PEDS1: variants seen among roughly 807,000 people sequenced by gnomAD.
PEDS1 encodes the protein plasmanylethanolamine desaturase 1.
A neutral mutation model predicts 35.2 loss-of-function variants in PEDS1; 14 were observed. The observed-to-expected ratio is 0.40, with a 90% CI of 0.26 to 0.62. PEDS1 has a LOEUF of 0.62. Among genes scored for constraint, PEDS1 ranks in the 20% least tolerant of loss-of-function variants. The pLI is 0.44. For synonymous variants in PEDS1, 152 were observed against 152.0 expected, an observed-to-expected ratio of 1.00 and a Z score of 0.00; for missense variants, 260 against 367.8, an observed-to-expected ratio of 0.71 and a Z score of 2.40.
intron 2 of PEDS1, among the ~76,000 whole-genome samples, chr20:50,132,293 T>G (rs1173713811): frequency 6.6e-6 from 1 of 152,246 alleles, no homozygotes; most frequent in African/African-American, 2.4e-5. Context: ...TAGATCTTGA[T>G]GAATTCTCAC....
rs373933748 is a variant in PEDS1 at position 50,130,865 on chromosome 20, A to C, written c.324T>G (p.Ile108Met). The change falls in exon 3 of 6, where the codon ATT becomes ATG. Residue 108 changes from isoleucine to methionine, a missense_variant. Physicochemically the swap from Ile to Met is conservative, Grantham distance 10. Around this residue, in one of 4 missense-constraint regions of PEDS1, gnomAD observed 34 missense variants for 81.9 expected, o/e 0.41. Coordinates refer to ENST00000371652, the MANE Select transcript of PEDS1 (RefSeq NM_199129.4). Reference protein sequence around the residue: ...ADTWGSVELPIVGKAFIRPFR... With the variant: ...ADTWGSVELPMVGKAFIRPFR... ...AGGTCAACATACTCACCTTCCCCAC[A>C]ATGGGCAGCTCCACAGAGCCCCATG... 54 of 1,613,968 alleles carry C rather than the reference A, an allele frequency of 3.3e-5. 1 individual carries two copies. Among genetic ancestry groups the C allele is most frequent in the Non-Finnish European group, 4.2e-6 (5 of 1,180,006 alleles).
In PEDS1 at chr20:50,136,722, C is replaced by CAAA. The variant is rs34195813; in HGVS notation, c.242-5778_242-5776dup. On this transcript the variant is annotated intron_variant, in intron 2 of 5. Coordinates refer to ENST00000371652, the MANE Select transcript of PEDS1 (RefSeq NM_199129.4). ...TGGGTGACAGAGTGAGACTCTGCCT[C>CAAA]AAAAAAAAAAAAAAAAAAAAAGAGG... is the stretch of plus-strand genomic sequence containing the variant. Among the ~76,000 whole-genome samples, 328 of 69,982 alleles carry CAAA rather than the reference C, an allele frequency of 4.7e-3. 6 individuals are homozygous for CAAA. The highest frequency in any genetic ancestry group is 0.016 in the African/African-American group (242 of 14,686). 45.9% of individuals were successfully genotyped at this position (69,982 alleles called of 152,430 possible).
At chr20:50,126,127 G>A (rs1389198222) in intron 5 of PEDS1, among the ~76,000 whole-genome samples, 2 of 152,114 alleles carry the variant, frequency 1.3e-5, no homozygotes, top group African/African-American at 4.8e-5. Flanking sequence ...TCCCCAACTG[G>A]AACGTTATCC....
At chr20:50,149,704 C>G (rs913737178) in intron 1 of PEDS1, among the ~76,000 whole-genome samples, 1 of 152,208 alleles carries the variant, frequency 6.6e-6, no homozygotes, top group Non-Finnish European at 1.5e-5. Flanking sequence ...GCTCCCTACA[C>G]ACAGAGGCCC....
At chr20:50,152,442 C>T (rs1309169875) in intron 1 of PEDS1, among the ~76,000 whole-genome samples, 1 of 152,012 alleles carries the variant, frequency 6.6e-6, no homozygotes, top group Non-Finnish European at 1.5e-5. Context: ...GAGGTGCCTC[C>T]CAGTCACCTG....
chr20:50,129,844 G>A lies in PEDS1; in HGVS notation c.334-154C>T, dbSNP rs2147274084. On this transcript the variant is annotated intron_variant, in intron 3 of 5. Transcript: ENST00000371652. The surrounding 1 kb of genome is among the most constrained non-coding windows in gnomAD (Gnocchi z 4.2). ...CTTGAACATTCCCACCTGGCCCACT[G>A]CCAGACACAGACCCCATCCAGCCTT... is the stretch of plus-strand genomic sequence containing the variant. 6.6e-6 allele frequency among the ~76,000 whole-genome samples: 1 copy of A among 152,268 alleles called. No individual in the cohort carries two copies. The highest frequency in any genetic ancestry group is 2.4e-5 in the African/African-American group (1 of 41,564).
intron 1 of PEDS1, among the ~76,000 whole-genome samples, chr20:50,145,721 A>T (rs1469400635): frequency 6.6e-6 from 1 of 152,074 alleles, no homozygotes; most frequent in African/African-American, 2.4e-5. Flanking sequence ...GGAAATAAAA[A>T]CACCATGTGG....
At chr20:50,135,651 T>A in intron 2 of PEDS1, among the ~76,000 whole-genome samples, 1 of 67,046 alleles carries the variant, frequency 1.5e-5, no homozygotes, top group South Asian at 6.1e-4. Flanking sequence ...AGAGCAAAAC[T>A]CCATCTCAAA....
intron 1 of PEDS1, among the ~76,000 whole-genome samples, chr20:50,150,619 A>G (rs528084981): frequency 6.6e-6 from 1 of 152,192 alleles, no homozygotes; most frequent in South Asian, 2.1e-4. Context: ...AGCGCTTGCC[A>G]CCACTGGGCA....
At chr20:50,148,535 T>C (rs1371490646) in intron 1 of PEDS1, among the ~76,000 whole-genome samples, 1 of 151,998 alleles carries the variant, frequency 6.6e-6, no homozygotes, top group South Asian at 2.1e-4. Context: ...CCTCGTGTGG[T>C]AGGTATGGGG....
At position 50,129,630 on chromosome 20, in the gene PEDS1, AGTC is replaced by A; in HGVS notation, c.391_393del (p.Asp131del). On this transcript the variant is annotated inframe_deletion, in exon 4 of 6. Transcript: ENST00000371652. The surrounding 1 kb of genome is among the most constrained non-coding windows in gnomAD (Gnocchi z 4.2). Reference sequence around the variant, plus strand: ...CAGTTGTCCCCGTTGGTCTCGATGAAGTCGTGCCGTGTGATAGCTGTCGGGTCA... The same window carrying A: ...CAGTTGTCCCCGTTGGTCTCGATGAAGTGCCGTGTGATAGCTGTCGGGTCA... 1 of 1,614,070 alleles carries A rather than the reference AGTC, an allele frequency of 6.2e-7. No individual in the cohort carries two copies. The highest frequency in any genetic ancestry group is 8.5e-7 in the Non-Finnish European group (1 of 1,180,000).
At position 50,128,369 on chromosome 20, in the gene PEDS1, C is replaced by T. The variant is rs1167323250; in HGVS notation, c.479-182G>A. 6.6e-6 allele frequency among the ~76,000 whole-genome samples: 1 copy of T among 152,214 alleles called. No homozygotes were observed. The highest frequency in any genetic ancestry group is 2.4e-5 in the African/African-American group (1 of 41,448). On this transcript the variant is annotated intron_variant, in intron 4 of 5. Transcript: ENST00000371652. This position sits in a 1 kb window ranked among gnomAD's most constrained non-coding sequence, Gnocchi z 5.2. The stretch of plus-strand genomic sequence containing the variant: ...GCTGCCCTGGGCTTCAGGCTTTCCT[C>T]CTGCTCAGGAAGCAGGCGTAATGGT...
Position 50,153,690 on chromosome 20 carries a change from G to T in PEDS1, c.-53C>A. Reference sequence around the variant, plus strand: ...CTCTGCTGGCGGCGGCGGCGGCAGGGCCGCGGAACCGCGGCGAGATCACGC... The same window carrying T: ...CTCTGCTGGCGGCGGCGGCGGCAGGTCCGCGGAACCGCGGCGAGATCACGC... On this transcript the variant is annotated 5_prime_UTR_variant, in exon 1 of 6. Transcript: ENST00000371652. 2 of 1,194,734 alleles carry T rather than the reference G, an allele frequency of 1.7e-6. No homozygotes were observed. Among genetic ancestry groups the T allele is most frequent in the African/African-American group, 1.6e-5 (1 of 62,786 alleles). The allele number at this position is 1,194,734 out of a possible 1,614,324, so 74.0% of individuals were successfully genotyped here. A position where few individuals can be genotyped will look rare whatever the true frequency, so the allele number is the denominator to read the frequency against.
chr20:50,146,908 C>G (rs541424918), intron 1 of PEDS1, among the ~76,000 whole-genome samples: 3 of 152,342 alleles, frequency 2.0e-5, no homozygotes, highest in South Asian at 4.1e-4. Flanking sequence ...TCACCATGAT[C>G]AGGCCCAGCA....
intron 2 of PEDS1, among the ~76,000 whole-genome samples, chr20:50,140,235 CAGGTCTGGGCCACCCTT>C (rs1455599601): frequency 1.3e-5 from 2 of 152,264 alleles, no homozygotes; most frequent in African/African-American, 4.8e-5. Flanking sequence ...CCGCTCCACC[CAGGTCTGGGCCACCCTT>C]AGGTCTGGGC....
chr20:50,138,546 A>G lies in PEDS1; in HGVS notation c.241+4956T>C, dbSNP rs1489516010. ...TGAGCCTCAGTCTTGCCATCTGTCCAATGGTCAAGGCCTGGCGCCTGCACG... is the reference window on the plus strand; with the variant it reads ...TGAGCCTCAGTCTTGCCATCTGTCCGATGGTCAAGGCCTGGCGCCTGCACG... On this transcript the variant is annotated intron_variant, in intron 2 of 5. Coordinates refer to ENST00000371652, the MANE Select transcript of PEDS1 (RefSeq NM_199129.4). 4.6e-5 allele frequency among the ~76,000 whole-genome samples: 7 copies of G among 152,250 alleles called. No homozygotes were observed. In the East Asian group the frequency reaches 1.3e-3, roughly 29 times the overall value.
chr20:50,137,533 C>T (rs911696421), intron 2 of PEDS1, among the ~76,000 whole-genome samples: 3 of 152,138 alleles, frequency 2.0e-5, no homozygotes, highest in Admixed American at 1.3e-4. Context: ...CAGATAGATA[C>T]CAACAGAGGG....
At chr20:50,130,377 TAG>T (rs2147275306) in intron 3 of PEDS1, among the ~76,000 whole-genome samples, 1 of 152,154 alleles carries the variant, frequency 6.6e-6, no homozygotes, top group East Asian at 1.9e-4. Context: ...AAAGTAGAGA[TAG>T]AGATGGAAGA....
rs2081071665 is a variant in PEDS1, at chr20:50,123,822, A to G, written c.*1236T>C. 1 of 152,252 alleles carries G rather than the reference A, an allele frequency of 6.6e-6. No homozygotes were observed. Among genetic ancestry groups the G allele is most frequent in the African/African-American group, 2.4e-5 (1 of 41,458 alleles). 9.4% of individuals were successfully genotyped at this position (152,252 alleles called of 1,614,324 possible). A position where few individuals can be genotyped will look rare whatever the true frequency, so the allele number is the denominator to read the frequency against. On this transcript the variant is annotated 3_prime_UTR_variant, in exon 6 of 6. Transcript: ENST00000371652. ...ACTCTTTTCCCAGGAGGTCAGCTCC[A>G]CCAGGATAGGTCTTTGTTGGTTCTT...
Sources: allele counts gnomAD v4.1 joint callset (sites outside exome capture counted in the v4.1 genomes callset), GRCh38; gene constraint gnomAD v4.1.1; regional missense constraint gnomAD v4.1.1; non-coding constraint Gnocchi (gnomAD v3.1); transcripts MANE v1.5; gene names NCBI Gene and HGNC (gene_info 2026-07-23, HGNC 2026-07-21).